Variants in RANBP17 observed in about 807,000 individuals in gnomAD.
The protein encoded by RANBP17 is ran-binding protein 17.
Under a neutral mutation model 141.2 loss-of-function variants are expected in RANBP17, and 158 were observed. The observed-to-expected ratio is 1.12, with a 90% confidence interval of 0.98 to 1.28. The LOEUF (loss-of-function observed/expected upper bound fraction) is 1.28. Among genes scored for constraint, RANBP17 ranks in the 50% most tolerant of loss-of-function variants. RANBP17 has a pLI of 0.00. For synonymous variants in RANBP17, 430 were observed against 450.0 expected (o/e 0.96, Z 0.56); for missense variants, 1,438 against 1,290.7 (o/e 1.11, Z -1.75).
At chr5:171,187,645 G>T (rs1004276073) in intron 18 of RANBP17, among the ~76,000 whole-genome samples, 1 of 152,012 alleles carries the variant, frequency 6.6e-6, no homozygotes, top group Non-Finnish European at 1.5e-5. Flanking sequence ...TTTTTTTAGT[G>T]TATTACTTTT....
In RANBP17 at chr5:171,296,262, C is replaced by A. The variant is rs141827289; in HGVS notation, c.3170+248C>A. On this transcript the variant is annotated intron_variant, in intron 27 of 27. Transcript: ENST00000523189. ...GTAGTCTCTGCCCTTAAGCAGTTTA[C>A]AATTCAACAGGAGAGATATGAAAAA... is the stretch of plus-strand genomic sequence containing the variant. Among the ~76,000 whole-genome samples the A allele has an allele frequency of 1.4e-4, 22 of 152,188 alleles. 1 individual carries two copies. The East Asian group carries it at 4.2e-3, about 29-fold the overall frequency.
intron 12 of RANBP17, among the ~76,000 whole-genome samples, chr5:170,950,386 A>C (rs1407738362): frequency 6.6e-6 from 1 of 151,812 alleles, no homozygotes; most frequent in Non-Finnish European, 1.5e-5. Context: ...AAAAAACAAA[A>C]ACAAAAAAAA....
rs567476997 is a variant in RANBP17 at position 170,907,701 on chromosome 5, ATTAGTTT to A, written c.490-1958_490-1952del. ...TAAAAAGATAAAATGTATCTCACAG[ATTAGTTT>A]TAAGGAATAAGCGAAATAATATATG... On this transcript the variant is annotated intron_variant, in intron 5 of 27. Transcript: ENST00000523189. 6.0e-3 allele frequency among the ~76,000 whole-genome samples: 914 copies of A among 152,156 alleles called. 3 individuals carry two copies. In the Middle Eastern group the frequency reaches 0.061, roughly 10 times the overall value.
intron 13 of RANBP17, 86 bp from the exon 14 acceptor site, chr5:170,968,156 T>C: frequency 1.0e-6 from 1 of 956,976 alleles, no homozygotes; most frequent in Non-Finnish European, 1.5e-6. Flanking sequence ...TGATTATATG[T>C]TATATTACAT....
intron 14 of RANBP17, among the ~76,000 whole-genome samples, chr5:171,109,708 A>C (rs966892646): frequency 3.9e-5 from 6 of 152,192 alleles, no homozygotes; most frequent in African/African-American, 1.2e-4. Flanking sequence ...GACAAAGAGA[A>C]AGTCCATATA....
chr5:170,873,526 C>T (rs1238162452), intron 1 of RANBP17, among the ~76,000 whole-genome samples: 1 of 151,794 alleles, frequency 6.6e-6, no homozygotes. Context: ...AATTTTAGAA[C>T]TATTGGTCTA....
chr5:170,890,074 C>G (rs989145680), intron 3 of RANBP17, among the ~76,000 whole-genome samples: 1 of 152,046 alleles, frequency 6.6e-6, no homozygotes, highest in African/African-American at 2.4e-5. Flanking sequence ...TTGTTGGTAT[C>G]TAGCTTTAAA....
At chr5:171,078,786 A>G (rs1227044511) in intron 14 of RANBP17, among the ~76,000 whole-genome samples, 1 of 152,194 alleles carries the variant, frequency 6.6e-6, no homozygotes, top group Non-Finnish European at 1.5e-5. Context: ...AAAAAAGATT[A>G]ATTTTCAAAA....
intron 12 of RANBP17, among the ~76,000 whole-genome samples, chr5:170,926,769 GTAGT>G (rs1188884418): frequency 6.6e-6 from 1 of 152,010 alleles, no homozygotes; most frequent in African/African-American, 2.4e-5. Flanking sequence ...ACTCTAGCAA[GTAGT>G]TATTCTTAGT....
intron 1 of RANBP17, among the ~76,000 whole-genome samples, chr5:170,866,668 C>G (rs1045476779): frequency 6.7e-6 from 1 of 149,904 alleles, no homozygotes; most frequent in African/African-American, 2.5e-5. Flanking sequence ...GAGCGAGACT[C>G]CATCTCAACA....
At chr5:171,205,678 G>GT in intron 20 of RANBP17, 66 bp downstream of exon 20, 1 of 1,265,718 alleles carries the variant, frequency 7.9e-7, no homozygotes, top group South Asian at 1.2e-5. Context: ...CCTCGCTTTC[G>GT]TTTAATAGTA....
intron 14 of RANBP17, among the ~76,000 whole-genome samples, chr5:171,075,589 G>A (rs1162135517): frequency 6.6e-5 from 10 of 152,234 alleles, no homozygotes; most frequent in Admixed American, 1.3e-4. Flanking sequence ...TTCTTTTGGG[G>A]GTGAAAACTG....
chr5:170,867,588 T>C (rs1767364237), intron 1 of RANBP17, among the ~76,000 whole-genome samples: 2 of 152,188 alleles, frequency 1.3e-5, no homozygotes, highest in South Asian at 2.1e-4. Context: ...CTGTTTATTG[T>C]AATCAAGAAG....
chr5:171,068,747 C>T (rs543649567), intron 14 of RANBP17, among the ~76,000 whole-genome samples: 9 of 152,068 alleles, frequency 5.9e-5, no homozygotes, highest in East Asian at 5.8e-4. Flanking sequence ...CCACCACGCC[C>T]GGCTAATTTT....
intron 14 of RANBP17, among the ~76,000 whole-genome samples, chr5:171,033,114 G>C (rs958491881): frequency 2.5e-5 from 3 of 119,046 alleles, no homozygotes; most frequent in African/African-American, 9.9e-5. Flanking sequence ...TGAATGCTTA[G>C]GACTGGACTT....
At chr5:171,136,476 A>G (rs1359636846) in intron 14 of RANBP17, among the ~76,000 whole-genome samples, 2 of 151,754 alleles carry the variant, frequency 1.3e-5, no homozygotes, top group African/African-American at 4.8e-5. Flanking sequence ...TCCTGGGTTC[A>G]TAATGCAGGA....
chr5:171,017,008 G>C (rs1410682497), intron 14 of RANBP17, among the ~76,000 whole-genome samples: 4 of 149,972 alleles, frequency 2.7e-5, no homozygotes, highest in Non-Finnish European at 5.9e-5. Flanking sequence ...TCGGTGTTTG[G>C]TTTTCTGTTC....
At chr5:171,220,117 T>C in intron 21 of RANBP17, among the ~76,000 whole-genome samples, 1 of 152,108 alleles carries the variant, frequency 6.6e-6, no homozygotes. Flanking sequence ...TGTTGTTGCT[T>C]TCTGTTTGTT....
chr5:171,130,146 C>T lies in RANBP17; in HGVS notation c.1711-39984C>T, dbSNP rs186879507. 7.9e-5 allele frequency among the ~76,000 whole-genome samples: 12 copies of T among 152,014 alleles called. No homozygotes were observed. In the East Asian group the frequency reaches 1.5e-3, roughly 20 times the overall value. ...ATATCATTGTTGAAGTAAAACTCAC[C>T]GAGGCTTCAGCATACAACTAAATTG... On this transcript the variant is annotated intron_variant, in intron 14 of 27. Coordinates refer to ENST00000523189, the MANE Select transcript of RANBP17 (RefSeq NM_022897.5).
Sources: allele counts gnomAD v4.1 joint callset (sites outside exome capture counted in the v4.1 genomes callset), GRCh38; gene constraint gnomAD v4.1.1; transcripts MANE v1.5; gene names NCBI Gene and HGNC (gene_info 2026-07-23, HGNC 2026-07-21).